The following XIST variants were observed in gnomAD, a reference collection of about 807,000 sequenced individuals.
The protein encoded by XIST is X inactive specific transcript (non-protein coding).
At chrX:73,828,874 TAAG>T (rs1202637434) in intron 5 of XIST, 2 of 365,813 alleles carry the variant, frequency 5.5e-6, no homozygotes, top group Non-Finnish European at 9.5e-6. Context: ...ATACAACTGG[TAAG>T]AAGACCATAA....
exon 1 of XIST, chrX:73,846,278 T>C (rs768915419): frequency 2.7e-5 from 15 of 556,898 alleles, no homozygotes; most frequent in Admixed American, 4.5e-5. Flanking sequence ...TGTGTAGTTA[T>C]GCAAATCCAT....
exon 1 of XIST, chrX:73,848,493 G>T: frequency 1.8e-6 from 1 of 558,176 alleles, no homozygotes; most frequent in Non-Finnish European, 3.2e-6. Context: ...GCACAAGATC[G>T]TGGACAAATA....
chrX:73,851,643 C>G (rs1419209387), exon 1 of XIST: 1 of 558,933 alleles, frequency 1.8e-6, no homozygotes, highest in African/African-American at 2.2e-5. Context: ...TTACTGCCTC[C>G]CGATACAACA....
At chrX:73,826,078 C>G (rs1922244513) in exon 6 of XIST, 1 of 557,165 alleles carries the variant, frequency 1.8e-6, no homozygotes, top group Admixed American at 2.2e-5. Context: ...TTTCCATAAC[C>G]ATCACTAGAA....
At position 73,822,537 on chromosome X, in the gene XIST, AC is replaced by A. The variant is rs1161179033; in HGVS notation, n.17363del. On this transcript the variant is annotated non_coding_transcript_exon_variant, in exon 6 of 6. Coordinates refer to ENST00000429829, the Ensembl canonical transcript of XIST. ...AATACATGAAAAAAAATAAACAGTA[AC>A]CTTTCTCCTATATTCTACTTTCCAA... The A allele has an allele frequency of 7.8e-6, 4 of 512,804 alleles. No homozygotes were observed. In the Admixed American group the frequency reaches 1.1e-4, roughly 14 times the overall value. 42.3% of individuals were successfully genotyped at this position (512,804 alleles called of 1,213,427 possible). A position where few individuals can be genotyped will look rare whatever the true frequency, so the allele number is the denominator to read the frequency against.
At position 73,827,758 on chromosome X, in the gene XIST, C is replaced by T. The variant is rs1030538660; in HGVS notation, n.12143G>A. On this transcript the variant is annotated non_coding_transcript_exon_variant, in exon 6 of 6. Transcript: ENST00000429829. ...CCCAAAAAGGAGACATGAAATAAAG[C>T]GTGAAAGAAGAGCCACATCTAGGAG... 5 of 543,288 alleles carry T rather than the reference C, an allele frequency of 9.2e-6. No homozygotes were observed. The Admixed American group carries it at 9.3e-5, about 10-fold the overall frequency. The allele number at this position is 543,288 out of a possible 1,213,427, so 44.8% of individuals were successfully genotyped here. A position where few individuals can be genotyped will look rare whatever the true frequency, so the allele number is the denominator to read the frequency against.
exon 6 of XIST, chrX:73,823,693 C>T: frequency 1.8e-6 from 1 of 558,671 alleles, no homozygotes; most frequent in South Asian, 2.2e-5. Context: ...TCCATCTCCT[C>T]AATCAGGCCA....
chrX:73,831,370 C>T, intron 3 of XIST: 1 of 433,835 alleles, frequency 2.3e-6, no homozygotes, highest in Non-Finnish European at 4.0e-6. Flanking sequence ...ATATTTTTAC[C>T]CTTTTCTTCA....
exon 6 of XIST, chrX:73,820,672 T>A: frequency 1.9e-6 from 1 of 532,354 alleles, no homozygotes; most frequent in African/African-American, 2.3e-5. Context: ...AAACAGTATA[T>A]TTTATTTTAC....
At chrX:73,831,976 C>A (rs751759335) in intron 3 of XIST, among the ~76,000 whole-genome samples, 2 of 111,982 alleles carry the variant, frequency 1.8e-5, no homozygotes, top group African/African-American at 6.5e-5. Context: ...TATAATAGGG[C>A]GCCACCAAAG....
exon 1 of XIST, chrX:73,847,322 A>G: frequency 1.9e-6 from 1 of 534,540 alleles, no homozygotes; most frequent in Non-Finnish European, 3.4e-6. Context: ...GCAGTATAAG[A>G]GAAGAAGCAC....
chrX:73,836,115 CTCCAGT>C (rs921088202), intron 2 of XIST, among the ~76,000 whole-genome samples: 1 of 111,023 alleles, frequency 9.0e-6, no homozygotes, highest in African/African-American at 3.3e-5. Flanking sequence ...CCTTTCCCAC[CTCCAGT>C]GTTCTCAGGG....
At chrX:73,846,813 C>T (rs376298414) in exon 1 of XIST, 4 of 557,494 alleles carry the variant, frequency 7.2e-6, no homozygotes, top group African/African-American at 2.2e-5. Context: ...ATGTAATTGT[C>T]ATTAGGCACA....
At chrX:73,821,447 C>A (rs745728391) in exon 6 of XIST, 2 of 557,105 alleles carry the variant, frequency 3.6e-6, no homozygotes, top group Non-Finnish European at 6.5e-6. Flanking sequence ...AAATTCCATT[C>A]TTACCTAACA....
intron 5 of XIST, chrX:73,828,859 C>A (rs1462220764): frequency 5.9e-6 from 2 of 341,793 alleles, no homozygotes; most frequent in Non-Finnish European, 1.0e-5. Flanking sequence ...CTAAATTCTT[C>A]TGTGATACAA....
chrX:73,826,188 A>AATTCTTC, exon 6 of XIST: 1 of 558,982 alleles, frequency 1.8e-6, no homozygotes, highest in Non-Finnish European at 3.2e-6. Flanking sequence ...TTTCTTGTCT[A>AATTCTTC]ATTCTTCTCA....
intron 2 of XIST, among the ~76,000 whole-genome samples, chrX:73,835,122 C>T (rs1033612194): frequency 1.8e-5 from 2 of 111,644 alleles, no homozygotes; most frequent in Non-Finnish European, 3.8e-5. Context: ...CATGTCTTCC[C>T]ACAATTCAAA....
chrX:73,836,932 T>C (rs1922493992), intron 2 of XIST, among the ~76,000 whole-genome samples: 1 of 112,026 alleles, frequency 8.9e-6, no homozygotes, highest in Non-Finnish European at 1.9e-5. Flanking sequence ...AGTAATACTG[T>C]ATTATAACCC....
chrX:73,826,398 C>T lies in XIST; in HGVS notation n.13503G>A, dbSNP rs1163510875. On this transcript the variant is annotated non_coding_transcript_exon_variant, in exon 6 of 6. Coordinates refer to ENST00000429829, the Ensembl canonical transcript of XIST. ...TTAGATACTGACTGGATTTTGGTGT[C>T]TCTCTCAAGTGGAGAAGATGTGAAT... The T allele has an allele frequency of 7.2e-6, 4 of 556,719 alleles. No homozygotes were observed. The Admixed American group carries it at 8.9e-5, about 12-fold the overall frequency. The allele number at this position is 556,719 out of a possible 1,213,427, so 45.9% of individuals were successfully genotyped here.
Sources: gnomAD v4.1 joint callset for allele counts (sites outside exome capture counted in the v4.1 genomes callset) on GRCh38, gnomAD v4.1.1 for gene constraint, MANE v1.5 for transcripts, NCBI Gene and HGNC (gene_info 2026-07-23, HGNC 2026-07-21) for gene names.